Variants in ZNF93 observed in about 807,000 individuals in gnomAD.
ZNF93 encodes the protein zinc finger protein 93.
Under a neutral mutation model 45.0 loss-of-function variants are expected in ZNF93, and 29 were observed. The observed-to-expected ratio is 0.64, with a 90% CI of 0.48 to 0.88. The LOEUF is 0.88. Among genes scored for constraint, ZNF93 ranks in the 40% least tolerant of loss-of-function variants. The pLI is 0.00. For synonymous variants in ZNF93, 223 were observed against 244.6 expected, an observed-to-expected ratio of 0.91 and a Z score of 0.82; for missense variants, 578 against 724.0, an observed-to-expected ratio of 0.80 and a Z score of 2.31.
rs138908801 is a variant in ZNF93, at chr19:19,934,760, T to C, written c.1805T>C (p.Phe602Ser). 199 of 1,609,370 alleles carry C rather than the reference T, an allele frequency of 1.2e-4. No homozygotes were observed. The African/African-American group carries it at 2.4e-3, about 19-fold the overall frequency. Residue 602 changes from phenylalanine (F) to serine (S), a missense_variant, in exon 4 of 4, where the codon TTT becomes TCT. Transcript: ENST00000343769. ...PYECDKCGKAFISPSSLSRHE... is the reference protein window; with the variant it reads ...PYECDKCGKASISPSSLSRHE... ...GAGTGTGATAAATGTGGCAAAGCCT[T>C]TATTTCACCCTCAAGCCTTAGTAGA...
intron 1 of ZNF93, chr19:19,908,223 C>T (rs2063298146): frequency 6.6e-6 from 1 of 152,188 alleles, no homozygotes; most frequent in African/African-American, 2.4e-5. Context: ...GTTACAAGGT[C>T]TAATATGTTC....
At chr19:19,904,059 G>GAAA (rs34703441) in intron 1 of ZNF93, among the ~76,000 whole-genome samples, 1 of 113,958 alleles carries the variant, frequency 8.8e-6, no homozygotes, top group African/African-American at 3.1e-5. Flanking sequence ...ATTCTGGCTG[G>GAAA]AAAAAAAAAA....
chr19:19,915,232 A>T, intron 1 of ZNF93, 48 bp from the exon 2 acceptor site: 1 of 1,612,118 alleles, frequency 6.2e-7, no homozygotes, highest in African/African-American at 1.3e-5. Context: ...TAAAATTAAA[A>T]ATTCCACCCA....
Position 19,934,188 on chromosome 19 carries a change from C to T in ZNF93, c.1233C>T (p.Thr411=). The stretch of plus-strand genomic sequence containing the variant: ...GCAAAGCCTTTAAGTACTCCTCTAC[C>T]CTTAGTTCACATAAGAGAAGTCATA... ...ECGKAFKYSS[T]LSSHKRSHTG... is the part of the protein sequence containing the mutation. The change falls in exon 4 of 4, where the codon ACC becomes ACT. Residue 411 remains threonine, a synonymous_variant. Coordinates refer to ENST00000343769, the MANE Select transcript of ZNF93 (RefSeq NM_031218.4). 1.2e-6 allele frequency: 2 copies of T among 1,611,484 alleles called. No homozygotes were observed. The highest frequency in any genetic ancestry group is 1.7e-6 in the Non-Finnish European group (2 of 1,179,798).
At chr19:19,923,895 C>T (rs979462934) in intron 3 of ZNF93, among the ~76,000 whole-genome samples, 2 of 152,188 alleles carry the variant, frequency 1.3e-5, no homozygotes, top group African/African-American at 4.8e-5. Flanking sequence ...CCTGCTTCGG[C>T]TCACACTTGG....
intron 3 of ZNF93, among the ~76,000 whole-genome samples, chr19:19,928,964 T>A (rs1367958444): frequency 2.0e-5 from 3 of 152,232 alleles, no homozygotes; most frequent in Non-Finnish European, 2.9e-5. Context: ...TGGATGTCTA[T>A]GTTGTCCAAA....
chr19:19,918,993 C>T (rs992854838), intron 3 of ZNF93, among the ~76,000 whole-genome samples: 3 of 151,972 alleles, frequency 2.0e-5, no homozygotes, highest in Admixed American at 6.6e-5. Flanking sequence ...CTTTTGTTGC[C>T]ATTGCTTTTG....
chr19:19,911,163 T>C (rs1435646601), intron 1 of ZNF93, among the ~76,000 whole-genome samples: 5 of 152,208 alleles, frequency 3.3e-5, no homozygotes, highest in Admixed American at 6.5e-5. Context: ...CAAATCAGAA[T>C]GGGTGATCCA....
rs1033699085 is a variant in ZNF93, at chr19:19,935,431, A to G, written c.*613A>G. The stretch of plus-strand genomic sequence containing the variant: ...TTACCTTCTAACATCAGTTTATGAA[A>G]ACTTGAAAAGGTGTTTGCTCCATCA... On this transcript the variant is annotated 3_prime_UTR_variant, in exon 4 of 4. Coordinates refer to ENST00000343769, the MANE Select transcript of ZNF93 (RefSeq NM_031218.4). 7 of 152,526 alleles carry G rather than the reference A, an allele frequency of 4.6e-5. No individual in the cohort carries two copies. The highest frequency in any genetic ancestry group is 3.3e-4 in the Admixed American group (5 of 15,298). 9.4% of individuals were successfully genotyped at this position (152,526 alleles called of 1,614,324 possible). A position where few individuals can be genotyped will look rare whatever the true frequency, so the allele number is the denominator to read the frequency against.
At chr19:19,911,688 A>G (rs1402577109) in intron 1 of ZNF93, among the ~76,000 whole-genome samples, 1 of 152,050 alleles carries the variant, frequency 6.6e-6, no homozygotes, top group Non-Finnish European at 1.5e-5. Flanking sequence ...CACTTTCTTT[A>G]TATTGTTGTG....
chr19:19,901,050 A>G lies in ZNF93; in HGVS notation c.-39A>G, dbSNP rs1379594388. 1.9e-6 allele frequency: 3 copies of G among 1,612,696 alleles called. No homozygotes were observed. The Admixed American group carries it at 5.0e-5, about 27-fold the overall frequency. On this transcript the variant is annotated 5_prime_UTR_variant, in exon 1 of 4. Coordinates refer to ENST00000343769, the MANE Select transcript of ZNF93 (RefSeq NM_031218.4). ...CCCTGTGACCTGCAGGTATTGGGAG[A>G]TCCACAGCTAAGACACCAGGACCCC...
At chr19:19,906,797 TTTCTC>T (rs1391649004) in intron 1 of ZNF93, among the ~76,000 whole-genome samples, 9 of 151,964 alleles carry the variant, frequency 5.9e-5, no homozygotes, top group Non-Finnish European at 1.2e-4. Flanking sequence ...TCTTCCCACA[TTTCTC>T]TTGTCAGCTT....
intron 3 of ZNF93, among the ~76,000 whole-genome samples, chr19:19,930,808 T>C (rs1474490833): frequency 6.6e-6 from 1 of 152,190 alleles, no homozygotes; most frequent in African/African-American, 2.4e-5. Context: ...ATATCTAAGA[T>C]CTATATCTGG....
intron 1 of ZNF93, among the ~76,000 whole-genome samples, chr19:19,905,109 G>C (rs183058553): frequency 6.7e-6 from 1 of 150,374 alleles, no homozygotes; most frequent in African/African-American, 2.4e-5. Flanking sequence ...GCCTGCATTC[G>C]CACGGAAACA....
chr19:19,924,393 A>T (rs1217088379), intron 3 of ZNF93, among the ~76,000 whole-genome samples: 2 of 151,500 alleles, frequency 1.3e-5, no homozygotes, highest in Non-Finnish European at 2.9e-5. Flanking sequence ...ACCCAGCCGG[A>T]TTTTTTTTAG....
intron 3 of ZNF93, among the ~76,000 whole-genome samples, chr19:19,919,092 C>T (rs1474157424): frequency 6.6e-6 from 1 of 152,150 alleles, no homozygotes; most frequent in Non-Finnish European, 1.5e-5. Flanking sequence ...TTAGGTCTAA[C>T]ATTTAAGTCT....
Position 19,934,603 on chromosome 19 carries a change from A to C in ZNF93, c.1648A>C (p.Thr550Pro). The change falls in exon 4 of 4, where the codon ACA (threonine) becomes CCA (proline). Residue 550 changes from threonine to proline, a missense_variant. By Grantham distance (38) the Thr-to-Pro change is conservative. Transcript: ENST00000343769. ...EECGKAFHLS[T>P]HLTTHKILHT... ...ATGTGGCAAAGCTTTTCACCTATCCACACACCTTACTACACATAAGATACT... is the reference window on the plus strand; with the variant it reads ...ATGTGGCAAAGCTTTTCACCTATCCCCACACCTTACTACACATAAGATACT... 2 of 1,613,398 alleles carry C rather than the reference A, an allele frequency of 1.2e-6. No homozygotes were observed. Among genetic ancestry groups the C allele is most frequent in the Non-Finnish European group, 1.7e-6 (2 of 1,179,878 alleles).
At chr19:19,916,080 T>G (rs2063322743) in intron 2 of ZNF93, among the ~76,000 whole-genome samples, 1 of 151,344 alleles carries the variant, frequency 6.6e-6, no homozygotes, top group Admixed American at 6.6e-5. Context: ...TTTTTTTTTT[T>G]TTTTGAGACG....
rs113101714 is a variant in ZNF93, at chr19:19,912,272, G to C, written c.4-3008G>C. Among the ~76,000 whole-genome samples, 379 of 152,240 alleles carry C rather than the reference G, an allele frequency of 2.5e-3. 4 individuals are homozygous for C. The highest frequency in any genetic ancestry group is 0.01 in the Middle Eastern group (3 of 294). ...AAACTGGAAGTTTCCTAGTTGCATA[G>C]AGAACAGAATTCTACATAGGGTTCT... On this transcript the variant is annotated intron_variant, in intron 1 of 3. Coordinates refer to ENST00000343769, the MANE Select transcript of ZNF93 (RefSeq NM_031218.4).
Sources: allele counts gnomAD v4.1 joint callset (sites outside exome capture counted in the v4.1 genomes callset), GRCh38; gene constraint gnomAD v4.1.1; transcripts MANE v1.5; gene names NCBI Gene and HGNC (gene_info 2026-07-23, HGNC 2026-07-21).